Variants in SYN2 observed in about 807,000 individuals in gnomAD.
The protein encoded by SYN2 is synapsin-2.
A neutral mutation model predicts 50.9 loss-of-function variants in SYN2; 19 were observed. The ratio of observed to expected loss-of-function variants is 0.37; its 90% CI spans 0.26 to 0.55. The LOEUF (loss-of-function observed/expected upper bound fraction) is 0.55. Ranked by LOEUF, SYN2 falls within the 20% of genes least tolerant of loss-of-function variation. The pLI, the probability that SYN2 is intolerant of heterozygous loss-of-function variation, is 0.81. For missense variants in SYN2, 587 were observed against 576.4 expected, an observed-to-expected ratio of 1.02 and a Z score of -0.19; for synonymous variants, 255 against 224.9, an observed-to-expected ratio of 1.13 and a Z score of -1.20.
chr3:12,041,354 C>A (rs1694605590), intron 1 of SYN2, among the ~76,000 whole-genome samples: 1 of 152,124 alleles, frequency 6.6e-6, no homozygotes, highest in Non-Finnish European at 1.5e-5. Flanking sequence ...TATAACTCCC[C>A]CAATCTATGT....
intron 10 of SYN2, 39 bp from the exon 11 acceptor site, chr3:12,183,273 T>C: frequency 1.3e-6 from 2 of 1,584,042 alleles, no homozygotes; most frequent in Non-Finnish European, 1.7e-6. Flanking sequence ...TTCAGTGGCT[T>C]GGAGTTTTGT....
At chr3:12,037,436 T>C (rs1373891988) in intron 1 of SYN2, among the ~76,000 whole-genome samples, 2 of 152,246 alleles carry the variant, frequency 1.3e-5, no homozygotes, top group African/African-American at 4.8e-5. Flanking sequence ...GGATAATAGA[T>C]ACAAACATTT....
At chr3:12,014,107 T>C (rs1406276862) in intron 1 of SYN2, among the ~76,000 whole-genome samples, 3 of 152,224 alleles carry the variant, frequency 2.0e-5, no homozygotes, top group Non-Finnish European at 2.9e-5. Context: ...TCTTTATCTC[T>C]GGACACAACA....
chr3:12,124,052 G>A (rs1338135508), intron 1 of SYN2, among the ~76,000 whole-genome samples: 3 of 151,996 alleles, frequency 2.0e-5, no homozygotes, highest in Non-Finnish European at 4.4e-5. Flanking sequence ...CTCAGAGATC[G>A]CTTCTGAAAG....
At chr3:12,064,599 T>C (rs1559405583) in intron 1 of SYN2, among the ~76,000 whole-genome samples, 1 of 152,022 alleles carries the variant, frequency 6.6e-6, no homozygotes, top group Non-Finnish European at 1.5e-5. Flanking sequence ...AAAGAACATA[T>C]ACAAAAGGTC....
rs1422465925 is a variant in SYN2, at chr3:12,188,800, C to CAGCTGTT, written c.1613+1188_1613+1189insAGCTGTT. On this transcript the variant is annotated intron_variant, in intron 12 of 12. Transcript: ENST00000621198. ...TTGCCTCTTGCCTGCCACATAATGTCCCTTCAGCCCAGCTGTTTCCTGCCT... is the reference window on the plus strand; with the variant it reads ...TTGCCTCTTGCCTGCCACATAATGTCAGCTGTTCCTTCAGCCCAGCTGTTTCCTGCCT... 3.3e-5 allele frequency among the ~76,000 whole-genome samples: 5 copies of CAGCTGTT among 152,222 alleles called. No individual in the cohort carries two copies. The East Asian group carries it at 9.7e-4, about 29-fold the overall frequency.
intron 1 of SYN2, among the ~76,000 whole-genome samples, chr3:12,021,006 T>A (rs1174960190): frequency 2.0e-5 from 3 of 152,250 alleles, no homozygotes. Flanking sequence ...TATTTGTTCA[T>A]ATACACACAT....
chr3:12,129,149 T>C (rs1250033159), intron 1 of SYN2, among the ~76,000 whole-genome samples: 1 of 151,886 alleles, frequency 6.6e-6, no homozygotes, highest in Admixed American at 6.6e-5. Context: ...GAAGATAATA[T>C]AGAGAATGAT....
At chr3:12,169,042 G>A (rs1697876008) in intron 9 of SYN2, among the ~76,000 whole-genome samples, 1 of 152,184 alleles carries the variant, frequency 6.6e-6, no homozygotes, top group Non-Finnish European at 1.5e-5. Context: ...GGTATTTCCA[G>A]GATATTGGTG....
At chr3:12,043,470 A>G (rs147088257) in intron 1 of SYN2, among the ~76,000 whole-genome samples, 2 of 152,330 alleles carry the variant, frequency 1.3e-5, no homozygotes, top group Non-Finnish European at 2.9e-5. Flanking sequence ...GGTATATTTT[A>G]GGCACTTTAA....
chr3:12,090,601 C>T (rs1207025660), intron 1 of SYN2, among the ~76,000 whole-genome samples: 1 of 152,152 alleles, frequency 6.6e-6, no homozygotes, highest in African/African-American at 2.4e-5. Context: ...GTAACTGAGG[C>T]TTGGCAACTT....
At chr3:12,062,041 G>A (rs1002493168) in intron 1 of SYN2, among the ~76,000 whole-genome samples, 4 of 151,942 alleles carry the variant, frequency 2.6e-5, no homozygotes, top group African/African-American at 9.7e-5. Flanking sequence ...TATATGGAAA[G>A]CCTAGAAACC....
At position 12,093,611 on chromosome 3, in the gene SYN2, T is replaced by A. The variant is rs76308773; in HGVS notation, c.378-47040T>A. On this transcript the variant is annotated intron_variant, in intron 1 of 12. Transcript: ENST00000621198. Reference sequence around the variant, plus strand: ...CAGCTGTAACAAGGAAACTTAGTAGTAACGATACTTTGATGTGGGAAAAAC... The same window carrying A: ...CAGCTGTAACAAGGAAACTTAGTAGAAACGATACTTTGATGTGGGAAAAAC... 3.9e-4 allele frequency among the ~76,000 whole-genome samples: 60 copies of A among 152,310 alleles called. No homozygotes were observed. In the East Asian group the frequency reaches 0.011, roughly 28 times the overall value.
At chr3:12,079,065 T>C (rs1695532117) in intron 1 of SYN2, among the ~76,000 whole-genome samples, 1 of 152,128 alleles carries the variant, frequency 6.6e-6, no homozygotes, top group Non-Finnish European at 1.5e-5. Flanking sequence ...TTTTTAGCAA[T>C]CGTGAACAGG....
chr3:12,034,853 A>C (rs1441380041), intron 1 of SYN2, among the ~76,000 whole-genome samples: 2 of 152,122 alleles, frequency 1.3e-5, no homozygotes, highest in African/African-American at 4.8e-5. Flanking sequence ...CCCCCTTCTC[A>C]CATGCAAAAT....
rs768647813 is a variant in SYN2 at position 12,169,786 on chromosome 3, G to A, written c.1188G>A (p.Gly396=). Residue 396 remains glycine, a synonymous_variant, in exon 10 of 13, where the codon GGG becomes GGA. Transcript: ENST00000621198. ...TGGACTGTAGCATGCCACTGATTGG[G>A]GAACATCAGGTGGAGGACAGGCAAC... The part of the protein sequence containing the change: ...EVMDCSMPLI[G]EHQVEDRQLI... The A allele has an allele frequency of 1.2e-6, 2 of 1,613,824 alleles. No homozygotes were observed. Among genetic ancestry groups the A allele is most frequent in the East Asian group, 2.2e-5 (1 of 44,892 alleles).
At chr3:12,128,566 T>G (rs912532929) in intron 1 of SYN2, among the ~76,000 whole-genome samples, 3 of 152,226 alleles carry the variant, frequency 2.0e-5, no homozygotes, top group Admixed American at 2.0e-4. Context: ...GAATATTATC[T>G]TGTTAATTTT....
At chr3:12,182,660 C>T (rs957499502) in intron 10 of SYN2, among the ~76,000 whole-genome samples, 1 of 152,244 alleles carries the variant, frequency 6.6e-6, no homozygotes, top group South Asian at 2.1e-4. Flanking sequence ...ATGACGACCC[C>T]TTTCTTTAAG....
chr3:12,100,925 C>T (rs890059429), intron 1 of SYN2, among the ~76,000 whole-genome samples: 9 of 152,014 alleles, frequency 5.9e-5, no homozygotes, highest in South Asian at 4.2e-4. Flanking sequence ...AAAACCACTA[C>T]GAGATACTAT....
Sources: gnomAD v4.1 joint callset for allele counts (sites outside exome capture counted in the v4.1 genomes callset) on GRCh38, gnomAD v4.1.1 for gene constraint, MANE v1.5 for transcripts, NCBI Gene and HGNC (gene_info 2026-07-23, HGNC 2026-07-21) for gene names.